Variants in NXPH1 observed in about 807,000 individuals in gnomAD.
NXPH1 encodes the protein neurexophilin-1.
Under a neutral mutation model 23.7 loss-of-function variants are expected in NXPH1, and 5 were observed. That is an observed-to-expected ratio of 0.21 (90% CI 0.11 to 0.44). The LOEUF is 0.44. Ranked by LOEUF, NXPH1 falls within the 20% of genes least tolerant of loss-of-function variation. The pLI, the probability that NXPH1 is intolerant of heterozygous loss-of-function variation, is 0.99. For synonymous variants in NXPH1, 144 were observed against 122.2 expected (o/e 1.18, Z -1.18); for missense variants, 324 against 321.6 (o/e 1.01, Z -0.06).
At chr7:8,669,303 C>T (rs1338773954) in intron 2 of NXPH1, among the ~76,000 whole-genome samples, 1 of 151,854 alleles carries the variant, frequency 6.6e-6, no homozygotes, top group African/African-American at 2.4e-5. Flanking sequence ...TGGGTCCACC[C>T]AGCTCTGTGC....
chr7:8,623,944 T>A (rs1383651616), intron 2 of NXPH1, among the ~76,000 whole-genome samples: 1 of 152,146 alleles, frequency 6.6e-6, no homozygotes, highest in East Asian at 1.9e-4. Context: ...TGACATAATG[T>A]TAAAAAATTT....
chr7:8,671,601 G>T (rs529186868), intron 2 of NXPH1, among the ~76,000 whole-genome samples: 4 of 152,036 alleles, frequency 2.6e-5, no homozygotes, highest in Admixed American at 6.6e-5. Context: ...TGGGAGGAAT[G>T]GTTCTGTGAT....
At chr7:8,583,689 C>T (rs756992889) in intron 2 of NXPH1, among the ~76,000 whole-genome samples, 6 of 152,020 alleles carry the variant, frequency 3.9e-5, no homozygotes, top group Non-Finnish European at 8.8e-5. Context: ...TGAACAGGGG[C>T]CGAGAGCAAC....
chr7:8,511,309 A>G (rs1817607468), intron 2 of NXPH1, among the ~76,000 whole-genome samples: 1 of 152,068 alleles, frequency 6.6e-6, no homozygotes. Flanking sequence ...TCTTTTCCAT[A>G]GAGGCCACAA....
intron 2 of NXPH1, among the ~76,000 whole-genome samples, chr7:8,620,740 T>A (rs1819850602): frequency 6.6e-6 from 1 of 152,238 alleles, no homozygotes; most frequent in African/African-American, 2.4e-5. Context: ...TTCCTTAAAA[T>A]GATTAGATGA....
At chr7:8,658,038 TAAATAA>T in intron 2 of NXPH1, among the ~76,000 whole-genome samples, 1 of 152,196 alleles carries the variant, frequency 6.6e-6, no homozygotes, top group Admixed American at 6.5e-5. Flanking sequence ...AACAAATAAA[TAAATAA>T]AAATAAAAGC....
At chr7:8,713,549 T>C (rs117940165) in intron 2 of NXPH1, among the ~76,000 whole-genome samples, 1 of 152,034 alleles carries the variant, frequency 6.6e-6, no homozygotes, top group African/African-American at 2.4e-5. Flanking sequence ...CTGAAATATA[T>C]ATTGTAGTCT....
chr7:8,507,533 T>A (rs1234877539), intron 2 of NXPH1, among the ~76,000 whole-genome samples: 1 of 152,100 alleles, frequency 6.6e-6, no homozygotes, highest in Admixed American at 6.5e-5. Flanking sequence ...TACATCAAAA[T>A]CACTTATAAC....
chr7:8,469,171 T>C (rs1816831018), intron 2 of NXPH1, among the ~76,000 whole-genome samples: 1 of 152,038 alleles, frequency 6.6e-6, no homozygotes, highest in African/African-American at 2.4e-5. Context: ...GTGAATGTTA[T>C]TTTTTTAAAA....
chr7:8,621,297 CACAG>C (rs993953608), intron 2 of NXPH1, among the ~76,000 whole-genome samples: 3 of 152,054 alleles, frequency 2.0e-5, no homozygotes, highest in Admixed American at 6.6e-5. Context: ...TGCAGCATAG[CACAG>C]ACAAAGACTC....
At chr7:8,654,238 T>G (rs1341996503) in intron 2 of NXPH1, among the ~76,000 whole-genome samples, 3 of 152,154 alleles carry the variant, frequency 2.0e-5, no homozygotes, top group Non-Finnish European at 4.4e-5. Context: ...TCCTTTCAAG[T>G]AAGTCATTTA....
At chr7:8,704,761 AG>A (rs1779677777) in intron 2 of NXPH1, among the ~76,000 whole-genome samples, 1 of 151,986 alleles carries the variant, frequency 6.6e-6, no homozygotes, top group African/African-American at 2.4e-5. Flanking sequence ...AAAAAAAAAA[AG>A]ATAAAATTGT....
At chr7:8,454,447 G>T (rs1378157004) in intron 2 of NXPH1, among the ~76,000 whole-genome samples, 2 of 152,110 alleles carry the variant, frequency 1.3e-5, no homozygotes, top group Non-Finnish European at 2.9e-5. Flanking sequence ...TGTGCATCAT[G>T]CTTCTCCTTC....
chr7:8,743,246 A>C (rs1359929277), intron 2 of NXPH1, among the ~76,000 whole-genome samples: 1 of 152,228 alleles, frequency 6.6e-6, no homozygotes, highest in Non-Finnish European at 1.5e-5. Context: ...AATTTTTCAA[A>C]GCAATCTTGA....
chr7:8,460,346 T>C (rs977161990), intron 2 of NXPH1, among the ~76,000 whole-genome samples: 1 of 152,180 alleles, frequency 6.6e-6, no homozygotes, highest in Non-Finnish European at 1.5e-5. Context: ...AGAGGGACTG[T>C]CTTTATATCT....
At chr7:8,605,388 A>C (rs1459436046) in intron 2 of NXPH1, among the ~76,000 whole-genome samples, 1 of 152,138 alleles carries the variant, frequency 6.6e-6, no homozygotes, top group African/African-American at 2.4e-5. Context: ...CAGTAAATAT[A>C]CTCAAAGGGA....
At chr7:8,602,328 T>C (rs981267075) in intron 2 of NXPH1, among the ~76,000 whole-genome samples, 17 of 152,216 alleles carry the variant, frequency 1.1e-4, no homozygotes, top group African/African-American at 3.9e-4. Flanking sequence ...CTTTACTTGC[T>C]TTCTGTTGTG....
intron 2 of NXPH1, among the ~76,000 whole-genome samples, chr7:8,729,518 C>T (rs1780113494): frequency 7.7e-6 from 1 of 130,654 alleles, no homozygotes; most frequent in African/African-American, 3.3e-5. Flanking sequence ...TGAATGCGTC[C>T]CAGAGATTCT....
intron 2 of NXPH1, among the ~76,000 whole-genome samples, chr7:8,457,776 T>C (rs1436509296): frequency 6.6e-6 from 1 of 152,148 alleles, no homozygotes; most frequent in Non-Finnish European, 1.5e-5. Flanking sequence ...GTGGAGGCTA[T>C]GTGTGTATAT....
Sources: allele counts gnomAD v4.1 joint callset (sites outside exome capture counted in the v4.1 genomes callset), GRCh38; gene constraint gnomAD v4.1.1; transcripts MANE v1.5; gene names NCBI Gene and HGNC (gene_info 2026-07-23, HGNC 2026-07-21).